HLCS: variants seen among roughly 807,000 people sequenced by gnomAD.
HLCS encodes the protein biotin--protein ligase.
A neutral mutation model predicts 75.0 loss-of-function variants in HLCS; 53 were observed. That is an observed-to-expected ratio of 0.71 (90% confidence interval 0.57 to 0.89). The LOEUF (loss-of-function observed/expected upper bound fraction) is 0.89. Among genes scored for constraint, HLCS ranks in the 40% least tolerant of loss-of-function variants. The probability of loss-of-function intolerance (pLI) is 0.00; values close to 1 mark genes in which losing one functional copy is unlikely to be tolerated. For synonymous variants in HLCS, 431 were observed against 428.6 expected (o/e 1.01, Z -0.07); for missense variants, 966 against 1,074.0 (o/e 0.90, Z 1.41).
At chr21:36,921,050 G>A (rs193052616) in intron 5 of HLCS, among the ~76,000 whole-genome samples, 21 of 152,324 alleles carry the variant, frequency 1.4e-4, no homozygotes, top group African/African-American at 5.1e-4. Context: ...ACTCTTCAGT[G>A]AACTACTCTA....
chr21:36,946,868 G>A (rs1005594718), intron 2 of HLCS, among the ~76,000 whole-genome samples: 12 of 152,194 alleles, frequency 7.9e-5, no homozygotes, highest in African/African-American at 2.9e-4. Context: ...TGTTTCAGCA[G>A]AGTTCTACAT....
intron 5 of HLCS, among the ~76,000 whole-genome samples, chr21:36,914,972 T>C (rs781014492): frequency 6.6e-6 from 1 of 152,248 alleles, no homozygotes. Flanking sequence ...TGGGGGCCCA[T>C]AGGCAGCCCT....
chr21:36,806,414 G>A (rs2061361225), intron 6 of HLCS: 1 of 152,090 alleles, frequency 6.6e-6, no homozygotes, highest in Non-Finnish European at 1.5e-5. Flanking sequence ...CTGGACTCTA[G>A]ATCACAATGA....
intron 6 of HLCS, among the ~76,000 whole-genome samples, chr21:36,880,522 A>G (rs73214721): frequency 0.12 from 18,426 of 152,204 alleles, 1,463 homozygotes; most frequent in Non-Finnish European, 0.18. Context: ...ATTACATTTC[A>G]TCTTGTTTCC....
At chr21:36,882,884 G>A (rs59719220) in intron 6 of HLCS, among the ~76,000 whole-genome samples, 2,165 of 152,228 alleles carry the variant, frequency 0.014, 57 homozygotes, top group African/African-American at 0.049. Context: ...GAAAGAGGCA[G>A]GTACAGACTT....
At chr21:36,893,917 T>A (rs150599668) in intron 6 of HLCS, among the ~76,000 whole-genome samples, 81 of 152,352 alleles carry the variant, frequency 5.3e-4, no homozygotes, top group African/African-American at 1.9e-3. Flanking sequence ...CATAACCTAT[T>A]ATTACTATCA....
intron 6 of HLCS, among the ~76,000 whole-genome samples, chr21:36,810,525 C>G (rs927732093): frequency 1.3e-5 from 2 of 152,210 alleles, no homozygotes; most frequent in Non-Finnish European, 2.9e-5. Context: ...CCACCTTGTC[C>G]CAACGAGGTT....
intron 5 of HLCS, among the ~76,000 whole-genome samples, chr21:36,908,333 G>A (rs777963255): frequency 7.9e-5 from 12 of 151,786 alleles, no homozygotes; most frequent in Non-Finnish European, 1.6e-4. Context: ...AGGCTGCAGT[G>A]AGCCATGACT....
chr21:36,840,738 G>C (rs912894827), intron 6 of HLCS, among the ~76,000 whole-genome samples: 1 of 151,958 alleles, frequency 6.6e-6, no homozygotes, highest in Non-Finnish European at 1.5e-5. Context: ...TCAGCCTCCC[G>C]AATAGCTGGG....
In HLCS at chr21:36,953,587, C is replaced by T. The variant is rs2067773263; in HGVS notation, c.330+8449G>A. Among the ~76,000 whole-genome samples, 3 of 152,064 alleles carry T rather than the reference C, an allele frequency of 2.0e-5. No individual in the cohort carries two copies. In the South Asian group the frequency reaches 6.2e-4, roughly 32 times the overall value. Reference sequence around the variant, plus strand: ...TCCTACATAATATAGTAACTATGTTCCTTAAGACGCTGTACATCTTTTAGC... The same window carrying T: ...TCCTACATAATATAGTAACTATGTTTCTTAAGACGCTGTACATCTTTTAGC... On this transcript the variant is annotated intron_variant, in intron 2 of 10. Coordinates refer to ENST00000674895, the MANE Select transcript of HLCS (RefSeq NM_001352514.2).
intron 5 of HLCS, among the ~76,000 whole-genome samples, chr21:36,920,247 T>C (rs1030317018): frequency 6.6e-6 from 1 of 151,216 alleles, no homozygotes; most frequent in Non-Finnish European, 1.5e-5. Flanking sequence ...GGTGGGAGAT[T>C]ACCTGAGCTC....
intron 5 of HLCS, among the ~76,000 whole-genome samples, chr21:36,926,271 A>G (rs2066401896): frequency 6.6e-6 from 1 of 152,260 alleles, no homozygotes; most frequent in African/African-American, 2.4e-5. Context: ...GCAAAGGGAC[A>G]GCTTCAGCTC....
intron 6 of HLCS, among the ~76,000 whole-genome samples, chr21:36,886,336 G>A (rs559736295): frequency 6.6e-6 from 1 of 150,896 alleles, no homozygotes; most frequent in Admixed American, 6.6e-5. Flanking sequence ...GGGAGGCTGA[G>A]GCAGAAGAAT....
In HLCS at chr21:36,783,637, C is replaced by T. The variant is rs988521634; in HGVS notation, c.1893-16352G>A. On this transcript the variant is annotated intron_variant, in intron 6 of 10. Coordinates refer to ENST00000674895, the MANE Select transcript of HLCS (RefSeq NM_001352514.2). ...AAGTGTGCACCACAAAGTGCCATTA[C>T]GTGCAAGACAGCCACTTAGTGTGTC... 4.6e-5 allele frequency among the ~76,000 whole-genome samples: 7 copies of T among 152,288 alleles called. No homozygotes were observed. The East Asian group carries it at 9.6e-4, about 21-fold the overall frequency.
chr21:36,970,986 T>A (rs2068771650), upstream of HLCS, among the ~76,000 whole-genome samples: 1 of 132,350 alleles, frequency 7.6e-6, no homozygotes, highest in Admixed American at 8.5e-5. Context: ...AGAGCAAGAC[T>A]CCATCTCAAA....
intron 1 of HLCS, among the ~76,000 whole-genome samples, chr21:36,963,716 C>A (rs2068428459): frequency 6.6e-6 from 1 of 152,134 alleles, no homozygotes; most frequent in Non-Finnish European, 1.5e-5. Flanking sequence ...CGTGCCATTG[C>A]ACTCTAGCCT....
At chr21:36,941,475 C>T (rs1020771374) in intron 2 of HLCS, among the ~76,000 whole-genome samples, 5 of 152,216 alleles carry the variant, frequency 3.3e-5, no homozygotes, top group Non-Finnish European at 7.3e-5. Flanking sequence ...TAGAAATAAA[C>T]AGATTCATGG....
intron 1 of HLCS, among the ~76,000 whole-genome samples, chr21:36,976,429 T>C (rs935844264): frequency 1.1e-5 from 1 of 87,872 alleles, no homozygotes; most frequent in African/African-American, 4.1e-5. Flanking sequence ...CACAGAAAAA[T>C]ACAAGTTAGC....
chr21:36,888,445 AATATATATATATATATATAT>A (rs71198839), intron 6 of HLCS, among the ~76,000 whole-genome samples: 243 of 24,090 alleles, frequency 0.01, 8 homozygotes, highest in African/African-American at 0.024. Flanking sequence ...AAAAAAAAAA[AATATATATATATATATATAT>A]ATATATATAT....
Sources: allele counts gnomAD v4.1 joint callset (sites outside exome capture counted in the v4.1 genomes callset), GRCh38; gene constraint gnomAD v4.1.1; transcripts MANE v1.5; gene names NCBI Gene and HGNC (gene_info 2026-07-23, HGNC 2026-07-21).